TRNT1: variants seen among roughly 807,000 people sequenced by gnomAD.
TRNT1 encodes tRNA nucleotidyl transferase 1.
Under a neutral mutation model 45.6 loss-of-function variants are expected in TRNT1, and 44 were observed. That is an observed-to-expected ratio of 0.97 (90% CI 0.76 to 1.24). The LOEUF (loss-of-function observed/expected upper bound fraction) is 1.24. TRNT1 is among the 50% of genes most tolerant of loss of function. The pLI, the probability that TRNT1 is intolerant of heterozygous loss-of-function variation, is 0.00. For missense variants in TRNT1, 633 were observed against 504.4 expected, an observed-to-expected ratio of 1.25 and a Z score of -2.44; for synonymous variants, 201 against 171.4, an observed-to-expected ratio of 1.17 and a Z score of -1.35.
chr3:3,128,318 C>T (rs1248355783), intron 1 of TRNT1, among the ~76,000 whole-genome samples: 3 of 152,108 alleles, frequency 2.0e-5, no homozygotes, highest in African/African-American at 7.2e-5. Flanking sequence ...CCTTTGTGGC[C>T]GGGCTCAGTG....
rs1706039327 is a variant in TRNT1 at position 3,146,629 on chromosome 3, A to G, written c.802+6A>G. 9 of 1,581,664 alleles carry G rather than the reference A, an allele frequency of 5.7e-6. No homozygotes were observed. The highest frequency in any genetic ancestry group is 7.7e-6 in the Non-Finnish European group (9 of 1,165,924). ...TGATGTGGCTCCTTATATAGGTGAGAGCAAGTTATAAAGTGTTTGAATTTT... is the reference window on the plus strand; with the variant it reads ...TGATGTGGCTCCTTATATAGGTGAGGGCAAGTTATAAAGTGTTTGAATTTT... On this transcript the variant is annotated splice_donor_region_variant and intron_variant, in intron 6 of 7. Coordinates refer to ENST00000251607, the MANE Select transcript of TRNT1 (RefSeq NM_182916.3).
At chr3:3,150,920 G>C, downstream of TRNT1, 1 of 1,613,932 alleles carries the variant, frequency 6.2e-7, no homozygotes, top group Non-Finnish European at 8.5e-7. Flanking sequence ...GTCTGGGATC[G>C]TGGGCAACAG....
intron 2 of TRNT1, chr3:3,129,941 C>A: frequency 6.4e-7 from 1 of 1,550,596 alleles, no homozygotes. Context: ...TCCATGAGAA[C>A]TGAAGGAAGA....
intron 2 of TRNT1, chr3:3,136,855 T>G: frequency 6.6e-6 from 2 of 304,152 alleles, no homozygotes; most frequent in Non-Finnish European, 6.5e-6. Flanking sequence ...TCTTGCTCTT[T>G]GCCCAGGCTG....
downstream of TRNT1, chr3:3,150,628 A>AAGCTACCC: frequency 2.2e-6 from 1 of 448,166 alleles, no homozygotes; most frequent in Non-Finnish European, 4.1e-6. Context: ...TAATGGCACC[A>AAGCTACCC]AGCTACCCAA....
At position 3,144,292 on chromosome 3, in the gene TRNT1, G is replaced by A. The variant is rs62228635; in HGVS notation, c.482-292G>A. ...TTTCCCATATTGTGAAAATTAGCTT[G>A]TATGGTGTCTTGTTGGCTCCACTCC... On this transcript the variant is annotated intron_variant, in intron 4 of 7. Coordinates refer to ENST00000251607, the MANE Select transcript of TRNT1 (RefSeq NM_182916.3). Among the ~76,000 whole-genome samples the A allele has an allele frequency of 7.1e-3, 1,087 of 152,228 alleles. 6 individuals are homozygous for A. Among genetic ancestry groups the A allele is most frequent in the African/African-American group, 0.018 (746 of 41,524 alleles).
At chr3:3,135,467 G>A (rs1705268650) in intron 2 of TRNT1, among the ~76,000 whole-genome samples, 1 of 152,182 alleles carries the variant, frequency 6.6e-6, no homozygotes, top group South Asian at 2.1e-4. Flanking sequence ...TTTAAGGGAG[G>A]TGATGTGGTC....
chr3:3,130,186 C>T (rs1230594622), intron 2 of TRNT1: 1 of 562,286 alleles, frequency 1.8e-6, no homozygotes, highest in Non-Finnish European at 3.2e-6. Flanking sequence ...AGAAATATGA[C>T]CTATACAGCA....
chr3:3,128,441 T>C (rs1704743908), intron 1 of TRNT1, among the ~76,000 whole-genome samples: 1 of 151,456 alleles, frequency 6.6e-6, no homozygotes, highest in East Asian at 1.9e-4. Flanking sequence ...TACCCAGAAG[T>C]ATAAAAAATT....
chr3:3,136,643 ACTTT>A (rs758336345), intron 2 of TRNT1: 28 of 426,284 alleles, frequency 6.6e-5, no homozygotes, highest in South Asian at 4.3e-4. Flanking sequence ...TGTTTGATTT[ACTTT>A]CTTTTTTTTT....
intron 2 of TRNT1, among the ~76,000 whole-genome samples, chr3:3,132,757 AC>A (rs1178634166): frequency 0.026 from 3,891 of 149,618 alleles, 112 homozygotes; most frequent in African/African-American, 0.071. Flanking sequence ...CAAAAAAAAA[AC>A]ACTGGATTTT....
At chr3:3,150,667 G>A (rs1706462352), downstream of TRNT1, 4 of 543,796 alleles carry the variant, frequency 7.4e-6, no homozygotes, top group South Asian at 2.1e-5. Context: ...CTAGACTGCC[G>A]TTCATGCTTG....
Position 3,129,038 on chromosome 3 carries a change from C to T in TRNT1, c.-3C>T, listed in dbSNP as rs1351526046. 6 of 1,601,936 alleles carry T rather than the reference C, an allele frequency of 3.7e-6. No individual in the cohort carries two copies. Among genetic ancestry groups the T allele is most frequent in the East Asian group, 2.2e-5 (1 of 44,756 alleles). ...GATGTGTAGTTGGTGACTGCCTCTC[C>T]AGATGCTGAGGTGCCTGTATCATTG... On this transcript the variant is annotated 5_prime_UTR_variant, in exon 2 of 8. Transcript: ENST00000251607.
At chr3:3,144,344 TGTTTA>T (rs1470859558) in intron 4 of TRNT1, among the ~76,000 whole-genome samples, 2 of 152,256 alleles carry the variant, frequency 1.3e-5, no homozygotes, top group African/African-American at 4.8e-5. Context: ...GCATATTTCT[TGTTTA>T]GTTTATTCTT....
chr3:3,135,579 T>A (rs544538856), intron 2 of TRNT1, among the ~76,000 whole-genome samples: 1 of 152,052 alleles, frequency 6.6e-6, no homozygotes, highest in South Asian at 2.1e-4. Context: ...GTCAAGAGGG[T>A]AGGGAGCATT....
At chr3:3,132,745 C>CA (rs1351707781) in intron 2 of TRNT1, among the ~76,000 whole-genome samples, 16 of 130,270 alleles carry the variant, frequency 1.2e-4, no homozygotes, top group African/African-American at 4.7e-4. Flanking sequence ...AAAAAAAAAA[C>CA]ACAAAAAAAA....
At chr3:3,142,388 T>C (rs938720331) in intron 4 of TRNT1, among the ~76,000 whole-genome samples, 1 of 152,234 alleles carries the variant, frequency 6.6e-6, no homozygotes, top group African/African-American at 2.4e-5. Flanking sequence ...ATTTAACCGA[T>C]GGTAACTTGC....
At position 3,137,433 on chromosome 3, in the gene TRNT1, C is replaced by G. The variant is rs1159782126; in HGVS notation, c.322C>G (p.His108Asp). The change falls in exon 3 of 8, where the codon CAC (histidine) becomes GAC (aspartate). Residue 108 changes from histidine to aspartate, a missense_variant. Physicochemically the swap from His to Asp is moderately conservative, Grantham distance 81 (BLOSUM62 -1). Transcript: ENST00000251607. ...GATGATAAACAACAGAGGAGAAAAG[C>G]ACGGAACAATTACTGCCAGGGTGAG... ...IRMINNRGEK[H>D]GTITARLHEE... 3 of 1,610,692 alleles carry G rather than the reference C, an allele frequency of 1.9e-6. No homozygotes were observed. The East Asian group carries it at 6.7e-5, about 36-fold the overall frequency.
At position 3,131,622 on chromosome 3, in the gene TRNT1, C is replaced by T. The variant is rs1005067136; in HGVS notation, c.148+2434C>T. ...TTACCATTCAGGACATAGGCGTGGG[C>T]GAGGACTTCATGTCCAAAACACCAA... On this transcript the variant is annotated intron_variant, in intron 2 of 7. Transcript: ENST00000251607. 17 of 136,122 alleles carry T rather than the reference C, an allele frequency of 1.2e-4. 1 individual carries two copies. Among genetic ancestry groups the T allele is most frequent in the African/African-American group, 4.0e-4 (15 of 37,802 alleles). The allele number at this position is 136,122 out of a possible 1,614,324, so 8.4% of individuals were successfully genotyped here. A position where few individuals can be genotyped will look rare whatever the true frequency, so the allele number is the denominator to read the frequency against.
Sources: gnomAD v4.1 joint callset for allele counts (sites outside exome capture counted in the v4.1 genomes callset) on GRCh38, gnomAD v4.1.1 for gene constraint, MANE v1.5 for transcripts, NCBI Gene and HGNC (gene_info 2026-07-23, HGNC 2026-07-21) for gene names.